MSRA: variants seen among roughly 807,000 people sequenced by gnomAD.
The protein encoded by MSRA is mitochondrial peptide methionine sulfoxide reductase.
In MSRA, 54 loss-of-function variants were observed where a neutral mutation model predicts 31.3. The ratio of observed to expected loss-of-function variants is 1.73; its 90% confidence interval spans 1.39 to 2.17. MSRA has a LOEUF of 2.17. Ranked by LOEUF, MSRA falls within the 30% of genes most tolerant of loss-of-function variation. The probability of loss-of-function intolerance (pLI) is 0.00; values close to 1 mark genes in which losing one functional copy is unlikely to be tolerated. For missense variants in MSRA, 507 were observed against 300.9 expected (o/e 1.69, Z -5.07); for synonymous variants, 169 against 116.5 (o/e 1.45, Z -2.90).
intron 2 of MSRA, among the ~76,000 whole-genome samples, chr8:10,217,975 T>G (rs1213635321): frequency 6.6e-6 from 1 of 152,144 alleles, no homozygotes; most frequent in Non-Finnish European, 1.5e-5. Context: ...CAGCCTGTCC[T>G]ATTTCCTTTA....
At chr8:10,309,051 G>A (rs956178981) in intron 4 of MSRA, among the ~76,000 whole-genome samples, 16 of 152,276 alleles carry the variant, frequency 1.1e-4, no homozygotes, top group Admixed American at 2.0e-4. Context: ...TGAAGATATC[G>A]TCCTCAGAAA....
At chr8:10,098,374 A>C (rs564782638) in intron 1 of MSRA, among the ~76,000 whole-genome samples, 1 of 152,300 alleles carries the variant, frequency 6.6e-6, no homozygotes, top group East Asian at 1.9e-4. Context: ...ACCTGAACAT[A>C]CAAGCACATT....
At chr8:10,215,475 C>G (rs573443584) in intron 2 of MSRA, among the ~76,000 whole-genome samples, 1 of 152,356 alleles carries the variant, frequency 6.6e-6, no homozygotes, top group East Asian at 1.9e-4. Context: ...TCTCCTCACT[C>G]TGGGTGAGCT....
intron 5 of MSRA, among the ~76,000 whole-genome samples, chr8:10,358,945 G>A (rs566307931): frequency 1.3e-5 from 2 of 152,206 alleles, no homozygotes; most frequent in African/African-American, 4.8e-5. Context: ...GATCTAGGTT[G>A]TACACTCCTT....
intron 1 of MSRA, among the ~76,000 whole-genome samples, chr8:10,143,762 A>G (rs1171102421): frequency 6.6e-6 from 1 of 152,106 alleles, no homozygotes; most frequent in Admixed American, 6.5e-5. Context: ...GGCAAGCACC[A>G]TTTTGCGTCA....
At chr8:10,245,369 G>C (rs2952227) in intron 3 of MSRA, 146 bp downstream of exon 3, 16 of 749,654 alleles carry the variant, frequency 2.1e-5, no homozygotes. Context: ...ATACTTGTGA[G>C]CTTCTCACTT....
At chr8:10,279,016 A>G (rs896847948) in intron 3 of MSRA, among the ~76,000 whole-genome samples, 1 of 152,068 alleles carries the variant, frequency 6.6e-6, no homozygotes, top group Non-Finnish European at 1.5e-5. Context: ...TTGCCCCGTG[A>G]TGGTTATTTT....
At chr8:10,242,947 C>G (rs770810358) in intron 2 of MSRA, among the ~76,000 whole-genome samples, 1 of 152,162 alleles carries the variant, frequency 6.6e-6, no homozygotes, top group African/African-American at 2.4e-5. Context: ...CCACCTGCAT[C>G]CTGGTCATTC....
intron 5 of MSRA, among the ~76,000 whole-genome samples, chr8:10,361,719 C>A (rs950922399): frequency 1.3e-5 from 2 of 152,136 alleles, no homozygotes; most frequent in Non-Finnish European, 2.9e-5. Context: ...TAATGAAAGA[C>A]TTTTATTTAA....
At chr8:10,341,711 C>A (rs1803437419) in intron 5 of MSRA, among the ~76,000 whole-genome samples, 1 of 152,124 alleles carries the variant, frequency 6.6e-6, no homozygotes, top group African/African-American at 2.4e-5. Flanking sequence ...TAAAATGTAG[C>A]TAATCATATG....
intron 5 of MSRA, chr8:10,411,474 T>G (rs1003996171): frequency 2.0e-5 from 3 of 150,036 alleles, no homozygotes; most frequent in African/African-American, 7.4e-5. Context: ...TTAGTCTTAT[T>G]TTTAGTTTCC....
intron 1 of MSRA, among the ~76,000 whole-genome samples, chr8:10,071,224 T>A (rs577640817): frequency 6.6e-6 from 1 of 152,250 alleles, no homozygotes; most frequent in Non-Finnish European, 1.5e-5. Flanking sequence ...TATCTCATCA[T>A]GGTTTTACTT....
intron 1 of MSRA, among the ~76,000 whole-genome samples, chr8:10,204,290 T>C (rs1808755284): frequency 6.6e-6 from 1 of 152,054 alleles, no homozygotes; most frequent in South Asian, 2.1e-4. Flanking sequence ...GTGCGTGATA[T>C]TTATAAAGTC....
rs371004242 is a variant in MSRA at position 10,079,471 on chromosome 8, A to C, written c.142+24813A>C. 5.9e-5 allele frequency among the ~76,000 whole-genome samples: 9 copies of C among 152,270 alleles called. No homozygotes were observed. The South Asian group carries it at 6.2e-4, about 11-fold the overall frequency. ...CACCCGACCATGTTTGTTCTAGAAA[A>C]ATAAAGCTCATTAATTACAGGAACA... On this transcript the variant is annotated intron_variant, in intron 1 of 5. Transcript: ENST00000317173.
intron 1 of MSRA, among the ~76,000 whole-genome samples, chr8:10,129,083 G>A (rs535052139): frequency 2.6e-5 from 4 of 152,314 alleles, no homozygotes; most frequent in African/African-American, 9.6e-5. Context: ...TATGCAAATA[G>A]AGGCAGTGGT....
intron 1 of MSRA, among the ~76,000 whole-genome samples, chr8:10,127,890 T>G (rs1028199912): frequency 6.6e-6 from 1 of 152,254 alleles, no homozygotes; most frequent in Non-Finnish European, 1.5e-5. Context: ...AGAATGGATT[T>G]TTTATTGCCT....
At chr8:10,367,942 C>T (rs1045954246) in intron 5 of MSRA, among the ~76,000 whole-genome samples, 16 of 152,182 alleles carry the variant, frequency 1.1e-4, no homozygotes, top group African/African-American at 3.6e-4. Flanking sequence ...CTCACTTACT[C>T]CAGGTGACAG....
At chr8:10,282,038 C>T (rs1799650392) in intron 3 of MSRA, among the ~76,000 whole-genome samples, 1 of 151,934 alleles carries the variant, frequency 6.6e-6, no homozygotes, top group Admixed American at 6.5e-5. Flanking sequence ...TGGGTTCTTC[C>T]AGACTCTCCC....
rs1554468813 is a variant in MSRA at position 10,155,002 on chromosome 8, T to TATA, written c.143-52831_143-52830insATA. On this transcript the variant is annotated intron_variant, in intron 1 of 5. Transcript: ENST00000317173. The stretch of plus-strand genomic sequence containing the variant: ...AATAGTTTGATAATGTGTATATATT[T>TATA]TATATATATATAGGTTTTACCTTGC... Among the ~76,000 whole-genome samples the TATA allele has an allele frequency of 8.1e-5, 10 of 123,898 alleles. 2 individuals are homozygous for TATA. The East Asian group carries it at 1.1e-3, about 13-fold the overall frequency. The allele number at this position is 123,898 out of a possible 152,430, so 81.3% of individuals were successfully genotyped here. A position where few individuals can be genotyped will look rare whatever the true frequency, so the allele number is the denominator to read the frequency against.
Sources: allele counts gnomAD v4.1 joint callset (sites outside exome capture counted in the v4.1 genomes callset), GRCh38; gene constraint gnomAD v4.1.1; transcripts MANE v1.5; gene names NCBI Gene and HGNC (gene_info 2026-07-23, HGNC 2026-07-21).